CDH23: variants seen among roughly 807,000 people sequenced by gnomAD.
The protein encoded by CDH23 is cadherin-23.
Under a neutral mutation model 317.1 loss-of-function variants are expected in CDH23, and 189 were observed. The ratio of observed to expected loss-of-function variants is 0.60; its 90% CI spans 0.53 to 0.67. CDH23 has a LOEUF of 0.67. CDH23 is among the 30% of genes least tolerant of loss of function. The pLI is 0.00. For missense variants in CDH23, 4,401 were observed against 4,592.4 expected (o/e 0.96, Z 1.20); for synonymous variants, 1,839 against 1,876.8 (o/e 0.98, Z 0.52).
At chr10:71,448,622 G>A (rs188867172) in intron 3 of CDH23, among the ~76,000 whole-genome samples, 3 of 152,270 alleles carry the variant, frequency 2.0e-5, no homozygotes, top group East Asian at 3.9e-4. Flanking sequence ...TCTGTTTCTC[G>A]CTGTGTAACC....
At chr10:71,562,324 C>G (rs910543328) in intron 6 of CDH23, among the ~76,000 whole-genome samples, 2 of 152,212 alleles carry the variant, frequency 1.3e-5, no homozygotes, top group Non-Finnish European at 2.9e-5. Flanking sequence ...CTGATAATTG[C>G]CTGCAACCTG....
At chr10:71,777,629 C>T in intron 38 of CDH23, 51 bp from the exon 39 acceptor site, 1 of 1,522,636 alleles carries the variant, frequency 6.6e-7, no homozygotes, top group South Asian at 1.2e-5. Context: ...CTGGATCCAC[C>T]TTGGTCCCTC....
intron 38 of CDH23, chr10:71,750,150 G>A (rs1425362354): frequency 2.0e-5 from 3 of 152,182 alleles, no homozygotes; most frequent in Admixed American, 6.5e-5. Flanking sequence ...AACAAAGCCA[G>A]GGCATGCCCA....
intron 14 of CDH23, among the ~76,000 whole-genome samples, chr10:71,667,800 C>T (rs1450546725): frequency 6.6e-6 from 1 of 152,028 alleles, no homozygotes; most frequent in Non-Finnish European, 1.5e-5. Flanking sequence ...AATAGCGGGT[C>T]CCCAGAGAGT....
At chr10:71,432,927 G>A (rs1849464908) in intron 1 of CDH23, among the ~76,000 whole-genome samples, 1 of 152,264 alleles carries the variant, frequency 6.6e-6, no homozygotes, top group South Asian at 2.1e-4. Flanking sequence ...GTCTCCCCTG[G>A]TGTTTGCACC....
At chr10:71,544,729 A>C (rs1239686384) in intron 6 of CDH23, among the ~76,000 whole-genome samples, 1 of 152,204 alleles carries the variant, frequency 6.6e-6, no homozygotes, top group Admixed American at 6.5e-5. Flanking sequence ...GACAAGACCC[A>C]CGAGGCAAAG....
chr10:71,450,589 C>T (rs539919827), intron 3 of CDH23, among the ~76,000 whole-genome samples: 4 of 152,164 alleles, frequency 2.6e-5, no homozygotes, highest in Non-Finnish European at 5.9e-5. Context: ...TGAAATGCCC[C>T]ACCAGCCTTG....
intron 14 of CDH23, among the ~76,000 whole-genome samples, chr10:71,647,462 CAAAA>C (rs56367143): frequency 6.1e-5 from 9 of 147,974 alleles, no homozygotes; most frequent in Admixed American, 5.3e-4. Flanking sequence ...GATTCTGTCT[CAAAA>C]AAAAAAAAAG....
chr10:71,512,500 G>A (rs1311838005), intron 6 of CDH23, among the ~76,000 whole-genome samples: 1 of 152,184 alleles, frequency 6.6e-6, no homozygotes, highest in Non-Finnish European at 1.5e-5. Context: ...GGGTCTCTAC[G>A]TGCCAGCCTG....
intron 11 of CDH23, among the ~76,000 whole-genome samples, chr10:71,622,026 A>T (rs1861487317): frequency 1.3e-5 from 2 of 152,098 alleles, no homozygotes; most frequent in African/African-American, 4.8e-5. Context: ...GAAAAAAAAA[A>T]ATCCAAAAGG....
At chr10:71,556,130 G>A (rs556686590) in intron 6 of CDH23, among the ~76,000 whole-genome samples, 171 of 152,360 alleles carry the variant, frequency 1.1e-3, no homozygotes, top group Middle Eastern at 3.4e-3. Context: ...GAGGACCTCA[G>A]TGGAGCAGTA....
intron 1 of CDH23, among the ~76,000 whole-genome samples, chr10:71,404,427 C>A (rs7903630): frequency 0.053 from 8,004 of 152,278 alleles, 455 homozygotes; most frequent in African/African-American, 0.13. Context: ...CACTTTGGAC[C>A]CCACTTTATT....
chr10:71,533,471 A>G (rs1855516010), intron 6 of CDH23, among the ~76,000 whole-genome samples: 1 of 151,784 alleles, frequency 6.6e-6, no homozygotes, highest in Non-Finnish European at 1.5e-5. Context: ...CCTGTGGTCT[A>G]ATGAGGGAGA....
At chr10:71,486,126 G>C (rs1564610671) in intron 3 of CDH23, among the ~76,000 whole-genome samples, 1 of 152,202 alleles carries the variant, frequency 6.6e-6, no homozygotes, top group Admixed American at 6.5e-5. Context: ...ATAAATGGGA[G>C]AATTAAGCTG....
intron 18 of CDH23, 54 bp from the exon 19 acceptor site, chr10:71,687,593 G>GC (rs972285610): frequency 5.7e-5 from 89 of 1,549,090 alleles, no homozygotes; most frequent in Middle Eastern, 3.4e-4. Flanking sequence ...TAGACATCTG[G>GC]CCAGCCCACC....
At chr10:71,663,916 G>A (rs1193351009) in intron 14 of CDH23, among the ~76,000 whole-genome samples, 1 of 151,946 alleles carries the variant, frequency 6.6e-6, no homozygotes, top group Admixed American at 6.6e-5. Flanking sequence ...CATGAGAGTT[G>A]CTTGAACCCA....
At chr10:71,812,665 T>C in intron 67 of CDH23, 56 bp downstream of exon 67, 1 of 1,612,740 alleles carries the variant, frequency 6.2e-7, no homozygotes, top group East Asian at 2.2e-5. Context: ...GCTGGGTCTT[T>C]GCAACCTCTG....
In CDH23 at chr10:71,632,558, T is replaced by A. The variant is rs190970788; in HGVS notation, c.1135-11303T>A. 2.0e-5 allele frequency among the ~76,000 whole-genome samples: 3 copies of A among 152,006 alleles called. No individual in the cohort carries two copies. The East Asian group carries it at 5.8e-4, about 29-fold the overall frequency. ...TGGGGTCTATAGGAAAGGCAGAGGT[T>A]GAGATGAGGCTGCAGTTTAGAGTTC... On this transcript the variant is annotated intron_variant, in intron 11 of 69. Coordinates refer to ENST00000224721, the MANE Select transcript of CDH23 (RefSeq NM_022124.6).
chr10:71,565,546 G>A (rs2132354350), intron 6 of CDH23, among the ~76,000 whole-genome samples: 1 of 152,264 alleles, frequency 6.6e-6, no homozygotes, highest in South Asian at 2.1e-4. Context: ...CCAGGGGAGT[G>A]GGTAGACAGG....
Sources: gnomAD v4.1 joint callset for allele counts (sites outside exome capture counted in the v4.1 genomes callset) on GRCh38, gnomAD v4.1.1 for gene constraint, MANE v1.5 for transcripts, NCBI Gene and HGNC (gene_info 2026-07-23, HGNC 2026-07-21) for gene names.